The following OSBPL9 variants were observed in gnomAD, a reference collection of about 807,000 sequenced individuals.
The protein encoded by OSBPL9 is oxysterol binding protein like 9.
A neutral mutation model predicts 106.6 loss-of-function variants in OSBPL9; 40 were observed. The ratio of observed to expected loss-of-function variants is 0.38; its 90% CI spans 0.29 to 0.49. The LOEUF is 0.49. Among genes scored for constraint, OSBPL9 ranks in the 20% least tolerant of loss-of-function variants. OSBPL9 has a pLI of 0.97. For missense variants in OSBPL9, 609 were observed against 887.2 expected, an observed-to-expected ratio of 0.69 and a Z score of 3.98; for synonymous variants, 269 against 295.4, an observed-to-expected ratio of 0.91 and a Z score of 0.92.
intron 3 of OSBPL9, among the ~76,000 whole-genome samples, chr1:51,686,951 G>A (rs1328027793): frequency 6.6e-6 from 1 of 152,198 alleles, no homozygotes; most frequent in African/African-American, 2.4e-5. Context: ...TAGAGCATGA[G>A]GTTACCAGTA....
At chr1:51,691,125 C>G (rs1258120686) in intron 3 of OSBPL9, among the ~76,000 whole-genome samples, 1 of 152,048 alleles carries the variant, frequency 6.6e-6, no homozygotes, top group East Asian at 1.9e-4. Context: ...CTGGGTGAGT[C>G]AGTAAGTGAG....
intron 10 of OSBPL9, among the ~76,000 whole-genome samples, chr1:51,761,422 A>G (rs1209556919): frequency 2.0e-5 from 3 of 152,298 alleles, no homozygotes; most frequent in East Asian, 3.9e-4. Context: ...GTACTGTAAA[A>G]TGGAAAACTC....
chr1:51,669,873 CTGAT>C (rs1290346255), intron 3 of OSBPL9: 7 of 466,062 alleles, frequency 1.5e-5, no homozygotes, highest in Admixed American at 9.6e-5. Flanking sequence ...AGTCTAAAGA[CTGAT>C]TGTGAAGGTT....
At chr1:51,614,751 C>T (rs989992020), upstream of OSBPL9, among the ~76,000 whole-genome samples, 5 of 151,990 alleles carry the variant, frequency 3.3e-5, no homozygotes, top group African/African-American at 9.7e-5. Flanking sequence ...AGCTCTTTAC[C>T]CATAGGAGCT....
chr1:51,616,469 G>T (rs775845449), upstream of OSBPL9, among the ~76,000 whole-genome samples: 3 of 152,134 alleles, frequency 2.0e-5, no homozygotes, highest in Non-Finnish European at 2.9e-5. Flanking sequence ...GTCTTGGAAG[G>T]CTCTTCCACC....
At chr1:51,731,674 G>A (rs1254470071) in intron 4 of OSBPL9, among the ~76,000 whole-genome samples, 2 of 152,040 alleles carry the variant, frequency 1.3e-5, no homozygotes, top group Non-Finnish European at 2.9e-5. Context: ...CTACTCGGGA[G>A]GCTGAGGCAG....
At chr1:51,591,323 C>G (rs1244493692) in intron 1 of OSBPL9, among the ~76,000 whole-genome samples, 1 of 152,208 alleles carries the variant, frequency 6.6e-6, no homozygotes, top group East Asian at 1.9e-4. Flanking sequence ...CCTGCCACTT[C>G]AGCCTCCCAA....
At chr1:51,556,284 C>A in the OSBPL9 span, among the ~76,000 whole-genome samples, 2 of 152,110 alleles carry the variant, frequency 1.3e-5, no homozygotes, top group Non-Finnish European at 2.9e-5. Flanking sequence ...AAATGATGGT[C>A]ATTTTATAAT....
chr1:51,684,794 A>G (rs568680456), intron 3 of OSBPL9, among the ~76,000 whole-genome samples: 1 of 152,360 alleles, frequency 6.6e-6, no homozygotes, highest in Non-Finnish European at 1.5e-5. Context: ...TCGGCCTCCC[A>G]AAGTGTTGGG....
At chr1:51,673,010 G>T (rs1444504602) in intron 3 of OSBPL9, among the ~76,000 whole-genome samples, 1 of 152,214 alleles carries the variant, frequency 6.6e-6, no homozygotes, top group African/African-American at 2.4e-5. Flanking sequence ...AAAGCCACAA[G>T]AATTTGGGAA....
chr1:51,521,615 A>G, the OSBPL9 span, among the ~76,000 whole-genome samples: 43 of 152,192 alleles, frequency 2.8e-4, no homozygotes, highest in African/African-American at 1.0e-3. Flanking sequence ...GCACATGCCT[A>G]TAGTCCCAGC....
At chr1:51,532,222 A>G in the OSBPL9 span, among the ~76,000 whole-genome samples, 1 of 152,362 alleles carries the variant, frequency 6.6e-6, no homozygotes, top group East Asian at 1.9e-4. Flanking sequence ...AATGAAGAGC[A>G]GAGAAATGGT....
chr1:51,538,029 GC>G, the OSBPL9 span, among the ~76,000 whole-genome samples: 1 of 151,948 alleles, frequency 6.6e-6, no homozygotes, highest in African/African-American at 2.4e-5. Context: ...GGTGGCTCAT[GC>G]CTGTAATCTC....
the OSBPL9 span, among the ~76,000 whole-genome samples, chr1:51,568,069 G>C: frequency 6.6e-6 from 1 of 152,208 alleles, no homozygotes; most frequent in East Asian, 1.9e-4. Flanking sequence ...CTATGCTCAG[G>C]GCTAGCAACA....
chr1:51,742,007 G>C (rs149711871), intron 4 of OSBPL9, among the ~76,000 whole-genome samples: 1 of 152,146 alleles, frequency 6.6e-6, no homozygotes, highest in Non-Finnish European at 1.5e-5. Flanking sequence ...AGGGAGTAGA[G>C]AATAGGAGAA....
At chr1:51,745,445 A>G in intron 4 of OSBPL9, 91 bp from the exon 5 acceptor site, 1 of 1,512,556 alleles carries the variant, frequency 6.6e-7, no homozygotes, top group East Asian at 2.4e-5. Context: ...TAAAAATTGA[A>G]ATGTCTTCAT....
chr1:51,688,003 G>T (rs1396448596), intron 3 of OSBPL9, among the ~76,000 whole-genome samples: 2 of 152,062 alleles, frequency 1.3e-5, no homozygotes, highest in African/African-American at 4.8e-5. Flanking sequence ...CTTACACAGG[G>T]TACATCCTGA....
chr1:51,616,754 G>A (rs1434046968), upstream of OSBPL9: 1 of 202,618 alleles, frequency 4.9e-6, no homozygotes, highest in Non-Finnish European at 1.0e-5. Flanking sequence ...TGGATTTGTG[G>A]AATGAATGCA....
intron 8 of OSBPL9, among the ~76,000 whole-genome samples, chr1:51,753,130 A>G (rs1425489166): frequency 6.6e-6 from 1 of 152,194 alleles, no homozygotes; most frequent in Admixed American, 6.5e-5. Context: ...CCATCCCTAT[A>G]AACTAATCTT....
Sources: gnomAD v4.1 joint callset for allele counts (sites outside exome capture counted in the v4.1 genomes callset) on GRCh38, gnomAD v4.1.1 for gene constraint, MANE v1.5 for transcripts, NCBI Gene and HGNC (gene_info 2026-07-23, HGNC 2026-07-21) for gene names.